The following HNF4G variants were observed in gnomAD, a reference collection of about 807,000 sequenced individuals.
HNF4G encodes the protein hepatocyte nuclear factor 4-gamma.
In HNF4G, 21 loss-of-function variants were observed where a neutral mutation model predicts 50.9. That is an observed-to-expected ratio of 0.41 (90% CI 0.29 to 0.59). The LOEUF is 0.59. Among genes scored for constraint, HNF4G ranks in the 20% least tolerant of loss-of-function variants. The pLI is 0.26. For missense variants in HNF4G, 527 were observed against 559.4 expected (o/e 0.94, Z 0.58); for synonymous variants, 198 against 185.6 (o/e 1.07, Z -0.54).
rs2943610 is a variant in HNF4G, at chr8:75,504,270, C to A, written c.-24+14062C>A. 6.9e-3 allele frequency among the ~76,000 whole-genome samples: 571 copies of A among 82,832 alleles called. 5 individuals carry two copies. The highest frequency in any genetic ancestry group is 0.043 in the African/African-American group (519 of 12,098). 54.3% of individuals were successfully genotyped at this position (82,832 alleles called of 152,430 possible). On this transcript the variant is annotated intron_variant, in intron 2 of 10. Transcript: ENST00000354370. ...ACACACACACACACACACACACACA[C>A]ACACACCAAAAACAACAACAAAAAA...
At chr8:75,437,547 A>G (rs971094111) in intron 1 of HNF4G, among the ~76,000 whole-genome samples, 15 of 152,182 alleles carry the variant, frequency 9.9e-5, no homozygotes, top group African/African-American at 2.7e-4. Flanking sequence ...TAAAATTTCC[A>G]GTCTTTTATA....
chr8:75,543,386 A>G (rs1014376064), intron 1 of HNF4G, among the ~76,000 whole-genome samples: 2 of 152,158 alleles, frequency 1.3e-5, no homozygotes, highest in African/African-American at 2.4e-5. Flanking sequence ...GTTCTAGGGG[A>G]AAAATGAAAG....
chr8:75,516,447 T>G lies in HNF4G; in HGVS notation c.-24+26239T>G, dbSNP rs140715983. On this transcript the variant is annotated intron_variant, in intron 2 of 10. Transcript: ENST00000354370. Reference sequence around the variant, plus strand: ...AAAATTATACTTTATGTGATTTTTATTGCTTTATATTTTTCAATGTTTATT... The same window carrying G: ...AAAATTATACTTTATGTGATTTTTAGTGCTTTATATTTTTCAATGTTTATT... 4.3e-3 allele frequency among the ~76,000 whole-genome samples: 648 copies of G among 152,338 alleles called. 4 individuals carry two copies. The highest frequency in any genetic ancestry group is 0.014 in the African/African-American group (589 of 41,578).
chr8:75,435,355 G>A (rs529866497), intron 1 of HNF4G, among the ~76,000 whole-genome samples: 5 of 152,024 alleles, frequency 3.3e-5, no homozygotes, highest in African/African-American at 4.8e-5. Context: ...ATGTCAATTC[G>A]TGTTTTTGTT....
chr8:75,552,656 C>G (rs936982428), intron 4 of HNF4G, among the ~76,000 whole-genome samples: 2 of 151,984 alleles, frequency 1.3e-5, no homozygotes, highest in Non-Finnish European at 2.9e-5. Flanking sequence ...AAAATATCAC[C>G]TTTAATTCAA....
rs775492405 is a variant in HNF4G, at chr8:75,558,900, G to C, written c.986G>C (p.Arg329Pro). ...ATCAATGATCGGCAGTATGACTCCC[G>C]GGGGAGGTTTGGAGAGTTGCTTCTG... is the stretch of plus-strand genomic sequence containing the variant. ...DYINDRQYDS[R>P]GRFGELLLLL... The change falls in exon 8 of 10, where the codon CGG becomes CCG. Residue 329 changes from arginine (R) to proline (P), a missense_variant. Coordinates refer to ENST00000396423, the MANE Select transcript of HNF4G (RefSeq NM_004133.5). 1 of 1,613,790 alleles carries C rather than the reference G, an allele frequency of 6.2e-7. No individual in the cohort carries two copies. The highest frequency in any genetic ancestry group is 8.5e-7 in the Non-Finnish European group (1 of 1,179,750).
At chr8:75,462,027 C>T (rs1438512348) in intron 1 of HNF4G, among the ~76,000 whole-genome samples, 1 of 151,418 alleles carries the variant, frequency 6.6e-6, no homozygotes, top group Non-Finnish European at 1.5e-5. Context: ...AAGCAATTCT[C>T]CTGCCTCAGC....
At chr8:75,517,595 T>C (rs1805926385) in intron 2 of HNF4G, among the ~76,000 whole-genome samples, 1 of 152,200 alleles carries the variant, frequency 6.6e-6, no homozygotes, top group Non-Finnish European at 1.5e-5. Context: ...GTGATCCCCT[T>C]TGACTACATG....
intron 2 of HNF4G, among the ~76,000 whole-genome samples, chr8:75,521,870 T>C (rs926313591): frequency 2.0e-5 from 3 of 152,138 alleles, no homozygotes; most frequent in Non-Finnish European, 2.9e-5. Context: ...TATGTCTCCA[T>C]TCCCCCCACA....
intron 2 of HNF4G, among the ~76,000 whole-genome samples, chr8:75,530,794 C>CTTTTTT (rs71567126): frequency 1.5e-5 from 2 of 132,184 alleles, no homozygotes; most frequent in African/African-American, 2.9e-5. Context: ...GTTCAATGTG[C>CTTTTTT]TTTTTTTTTT....
intron 2 of HNF4G, among the ~76,000 whole-genome samples, chr8:75,515,856 C>T (rs1805873787): frequency 6.7e-6 from 1 of 150,326 alleles, no homozygotes; most frequent in Non-Finnish European, 1.5e-5. Flanking sequence ...ACCTCCCCCT[C>T]CTGGGTTTAA....
chr8:75,425,062 C>CTATTTATTTATTTATTTATTTATT (rs71271860), intron 1 of HNF4G, among the ~76,000 whole-genome samples: 6 of 142,640 alleles, frequency 4.2e-5, no homozygotes, highest in Middle Eastern at 3.5e-3. Flanking sequence ...TCAATGCAGC[C>CTATTTATTTATTTATTTATTTATT]TATTTATTTA....
intron 3 of HNF4G, among the ~76,000 whole-genome samples, chr8:75,549,306 C>T (rs1806876749): frequency 6.6e-6 from 1 of 152,080 alleles, no homozygotes; most frequent in African/African-American, 2.4e-5. Flanking sequence ...AATGATAGCA[C>T]TGAGATTATA....
chr8:75,529,000 AT>A (rs1026815734), intron 2 of HNF4G, among the ~76,000 whole-genome samples: 10 of 152,052 alleles, frequency 6.6e-5, no homozygotes, highest in African/African-American at 1.9e-4. Context: ...AAAACCTCAG[AT>A]CTCTGCCGGG....
chr8:75,536,296 C>T (rs978269235), upstream of HNF4G, among the ~76,000 whole-genome samples: 1 of 151,752 alleles, frequency 6.6e-6, no homozygotes, highest in African/African-American at 2.4e-5. Flanking sequence ...TTATGTATTG[C>T]TATGTATAAA....
At chr8:75,461,328 G>T (rs1291797286) in intron 1 of HNF4G, among the ~76,000 whole-genome samples, 1 of 151,708 alleles carries the variant, frequency 6.6e-6, no homozygotes, top group African/African-American at 2.4e-5. Context: ...CCATTCCTTG[G>T]CCCCTTCCGC....
At position 75,559,005 on chromosome 8, in the gene HNF4G, TTGACAATCTAC is replaced by T; in HGVS notation, c.1093_1103del (p.Asp365SerfsTer11). 6 of 1,607,664 alleles carry T rather than the reference TTGACAATCTAC, an allele frequency of 3.7e-6. No individual in the cohort carries two copies. Among genetic ancestry groups the T allele is most frequent in the Non-Finnish European group, 5.1e-6 (6 of 1,174,152 alleles). On this transcript the variant is annotated frameshift_variant, in exon 8 of 10. Transcript: ENST00000396423. LOFTEE classifies it high-confidence loss of function. ...GTTAAACTTTTTGGGATGGTTAAAA[TTGACAATCTAC>T]TTCAGGAAATGCTATTAGGTGGTGA... is the stretch of plus-strand genomic sequence containing the variant.
intron 2 of HNF4G, 71 bp downstream of exon 2, chr8:75,544,050 A>G: frequency 7.4e-7 from 1 of 1,354,262 alleles, no homozygotes. Flanking sequence ...AAGTAAGAGA[A>G]GAAAATTCAG....
chr8:75,421,308 T>C (rs1810769699), intron 1 of HNF4G, among the ~76,000 whole-genome samples: 1 of 152,186 alleles, frequency 6.6e-6, no homozygotes, highest in Non-Finnish European at 1.5e-5. Context: ...ACCTAGTTGG[T>C]CAGTCCAGGT....
Sources: allele counts gnomAD v4.1 joint callset (sites outside exome capture counted in the v4.1 genomes callset), GRCh38; gene constraint gnomAD v4.1.1; transcripts MANE v1.5; gene names NCBI Gene and HGNC (gene_info 2026-07-23, HGNC 2026-07-21).